HEATR9: variants seen among roughly 807,000 people sequenced by gnomAD.
The protein encoded by HEATR9 is HEAT repeat containing 9, also known as protein HEATR9.
Under a neutral mutation model 68.2 loss-of-function variants are expected in HEATR9, and 54 were observed. That is an observed-to-expected ratio of 0.79 (90% CI 0.64 to 0.99). The LOEUF is 0.99. Ranked by LOEUF, HEATR9 falls within the 50% of genes least tolerant of loss-of-function variation. The probability of loss-of-function intolerance (pLI) is 0.00; values close to 1 mark genes in which losing one functional copy is unlikely to be tolerated. For synonymous variants in HEATR9, 241 were observed against 253.5 expected (o/e 0.95, Z 0.47); for missense variants, 662 against 679.7 (o/e 0.97, Z 0.29).
intron 1 of HEATR9, 27 bp downstream of exon 1, chr17:35,868,628 C>T (rs1004255923): frequency 5.6e-6 from 9 of 1,613,914 alleles, no homozygotes; most frequent in Non-Finnish European, 7.6e-6. Flanking sequence ...CTGCTCTTGG[C>T]TCCATTTCTG....
In HEATR9 at chr17:35,856,114, C is replaced by T. The variant is rs965457121; in HGVS notation, c.1278+59G>A. On this transcript the variant is annotated intron_variant, in intron 13 of 14. Transcript: ENST00000604834. ...ATTCCCCTCAGTGACTCTGCTCAATCGCCTACTCCCCCTGCCATCAACACA... is the reference window on the plus strand; with the variant it reads ...ATTCCCCTCAGTGACTCTGCTCAATTGCCTACTCCCCCTGCCATCAACACA... 47 of 1,542,278 alleles carry T rather than the reference C, an allele frequency of 3.0e-5. No individual in the cohort carries two copies. In the Middle Eastern group the frequency reaches 6.3e-4, roughly 21 times the overall value.
chr17:35,865,173 G>T, intron 3 of HEATR9, 42 bp downstream of exon 3: 1 of 1,587,338 alleles, frequency 6.3e-7, no homozygotes, highest in Non-Finnish European at 8.6e-7. Flanking sequence ...TTTCCTAGAA[G>T]ATGTGGAGGG....
Position 35,858,933 on chromosome 17 carries a change from G to T in HEATR9, c.894C>A (p.Phe298Leu). ...GTCCTTGGCACAGGCACTGCAACAA[G>T]AACTCTTGGACCATGTTGCTGCAAG... ...LRPCSNMVQE[F>L]LLQCLCQGLK... Residue 298 changes from phenylalanine (F) to leucine (L), a missense_variant, in exon 9 of 15, where the codon TTC (phenylalanine) becomes TTA (leucine). Coordinates refer to ENST00000604834, the MANE Select transcript of HEATR9 (RefSeq NM_152781.4). 5.0e-6 allele frequency: 8 copies of T among 1,614,142 alleles called. No individual in the cohort carries two copies. Among genetic ancestry groups the T allele is most frequent in the Non-Finnish European group, 5.9e-6 (7 of 1,180,042 alleles).
chr17:35,856,744 TTCA>T lies in HEATR9; in HGVS notation c.1211_1213del (p.Met404del), dbSNP rs1156993952. 2 of 1,604,850 alleles carry T rather than the reference TTCA, an allele frequency of 1.2e-6. No individual in the cohort carries two copies. Among genetic ancestry groups the T allele is most frequent in the South Asian group, 1.1e-5 (1 of 88,972 alleles). The stretch of plus-strand genomic sequence containing the variant: ...CCAGGCCACTCACGCCTCCACCAAG[TTCA>T]TCATCGTAGGCTTCAACTTGAGCTC... On this transcript the variant is annotated inframe_deletion, in exon 12 of 15. Transcript: ENST00000604834.
chr17:35,862,205 A>G (rs1345154094), intron 8 of HEATR9, among the ~76,000 whole-genome samples: 2 of 152,006 alleles, frequency 1.3e-5, no homozygotes, highest in African/African-American at 4.8e-5. Flanking sequence ...ATTGGTTATT[A>G]TGTGTCTCCC....
Position 35,864,509 on chromosome 17 carries a change from G to C in HEATR9, c.498C>G (p.Phe166Leu). ...SLESPREDEQ[F>L]YAAQALGCLR... Reference sequence around the variant, plus strand: ...TGCCTCTTCTCACCTGTGCTGCATAGAACTGCTCATCCTCTCTGGGAGATT... The same window carrying C: ...TGCCTCTTCTCACCTGTGCTGCATACAACTGCTCATCCTCTCTGGGAGATT... Residue 166 changes from phenylalanine (F) to leucine (L), a missense_variant, in exon 5 of 15, where the codon TTC becomes TTG. Physicochemically the swap from Phe to Leu is conservative, Grantham distance 22 (BLOSUM62 0). Transcript: ENST00000604834. The C allele has an allele frequency of 6.2e-7, 1 of 1,614,052 alleles. No homozygotes were observed. Among genetic ancestry groups the C allele is most frequent in the Non-Finnish European group, 8.5e-7 (1 of 1,179,988 alleles).
chr17:35,868,340 G>C (rs2088282290), intron 1 of HEATR9, among the ~76,000 whole-genome samples: 1 of 152,196 alleles, frequency 6.6e-6, no homozygotes, highest in Non-Finnish European at 1.5e-5. Flanking sequence ...TAAGGGGGAA[G>C]AGCATTAGAC....
rs1030477938 is a variant in HEATR9, at chr17:35,865,388, C to T, written c.147G>A (p.Lys49=). 1.9e-6 allele frequency: 3 copies of T among 1,612,832 alleles called. No homozygotes were observed. Among genetic ancestry groups the T allele is most frequent in the Non-Finnish European group, 2.5e-6 (3 of 1,179,768 alleles). The change falls in exon 3 of 15, where the codon AAG becomes AAA. Residue 49 remains lysine (K), a synonymous_variant. Transcript: ENST00000604834. The stretch of plus-strand genomic sequence containing the variant: ...ACTCTGGACTTGGGGGAAACTCTTC[C>T]TTTGGCATCTGGGGGTTGCAAGTGG... ...HLPLSCYQMP[K]EEFPPSPECW... is the part of the protein sequence containing the mutation.
At chr17:35,865,026 T>A in intron 3 of HEATR9, 136 bp from the exon 4 acceptor site, 2 of 1,372,880 alleles carry the variant, frequency 1.5e-6, no homozygotes, top group Non-Finnish European at 2.0e-6. Flanking sequence ...CTCAGTGATA[T>A]CCACCAGAGC....
chr17:35,867,421 C>A (rs1331668127), intron 1 of HEATR9, among the ~76,000 whole-genome samples: 1 of 55,436 alleles, frequency 1.8e-5, no homozygotes. Flanking sequence ...GGTAACAGAG[C>A]AAGACTCAAA....
intron 2 of HEATR9, among the ~76,000 whole-genome samples, chr17:35,865,933 C>G (rs541553432): frequency 6.6e-6 from 1 of 152,288 alleles, no homozygotes; most frequent in East Asian, 1.9e-4. Context: ...AACAGTTTAG[C>G]AGGGAAACAG....
At chr17:35,860,487 A>AT (rs966259017) in intron 8 of HEATR9, among the ~76,000 whole-genome samples, 17 of 138,466 alleles carry the variant, frequency 1.2e-4, no homozygotes, top group South Asian at 4.7e-4. Context: ...TATTTTATTT[A>AT]TTTATTTATT....
At chr17:35,865,823 A>G (rs2088180547) in intron 2 of HEATR9, among the ~76,000 whole-genome samples, 1 of 152,190 alleles carries the variant, frequency 6.6e-6, no homozygotes, top group Non-Finnish European at 1.5e-5. Flanking sequence ...TGGGGAAAAG[A>G]CAGACTATTG....
intron 1 of HEATR9, 29 bp from the exon 2 acceptor site, chr17:35,866,802 G>T (rs750360945): frequency 1.2e-6 from 2 of 1,610,440 alleles, no homozygotes; most frequent in Non-Finnish European, 1.7e-6. Context: ...GTATGTGTGT[G>T]GTTCAAATGA....
rs1466350406 is a variant in HEATR9, at chr17:35,863,507, A to G, written c.620T>C (p.Ile207Thr). ...VKYEAYRTLA[I>T]LGCLNKHVIR... The stretch of plus-strand genomic sequence containing the variant: ...AAGGGAGAAGACATACTCACCCAGG[A>G]TGGCCAGGGTTCGGTAGGCCTCGTA... Residue 207 changes from isoleucine (I) to threonine (T), a missense_variant, in exon 7 of 15, where the codon ATC becomes ACC. Coordinates refer to ENST00000604834, the MANE Select transcript of HEATR9 (RefSeq NM_152781.4). The G allele has an allele frequency of 6.2e-6, 10 of 1,614,110 alleles. 1 individual carries two copies. In the South Asian group the frequency reaches 9.9e-5, roughly 16 times the overall value.
intron 9 of HEATR9, 134 bp from the exon 10 acceptor site, chr17:35,858,659 A>C: frequency 2.3e-6 from 2 of 873,532 alleles, no homozygotes; most frequent in Admixed American, 5.1e-5. Flanking sequence ...CCTCTTGACC[A>C]CAGAAGTTCA....
chr17:35,868,835 G>T lies in HEATR9; in HGVS notation c.-93C>A. ...CACAGCTGGAGGAGACCTGTCCTCT[G>T]TGGTACGAGAGGTACAGGGGAGGTG... On this transcript the variant is annotated 5_prime_UTR_variant, in exon 1 of 15. Transcript: ENST00000604834. The T allele has an allele frequency of 8.9e-7, 1 of 1,119,212 alleles. No individual in the cohort carries two copies. Among genetic ancestry groups the T allele is most frequent in the Non-Finnish European group, 1.3e-6 (1 of 750,800 alleles). 69.3% of individuals were successfully genotyped at this position (1,119,212 alleles called of 1,614,324 possible).
Position 35,854,990 on chromosome 17 carries a change from T to C in HEATR9, c.*73A>G, listed in dbSNP as rs1331909012. 1.6e-6 allele frequency: 2 copies of C among 1,216,914 alleles called. No individual in the cohort carries two copies. Among genetic ancestry groups the C allele is most frequent in the African/African-American group, 3.1e-5 (2 of 65,490 alleles). The allele number at this position is 1,216,914 out of a possible 1,614,324, so 75.4% of individuals were successfully genotyped here. On this transcript the variant is annotated 3_prime_UTR_variant, in exon 15 of 15. Transcript: ENST00000604834. Reference sequence around the variant, plus strand: ...CTTGTTTATTCACGGAAGATAAGTATAGATTGTTTTCTCATGGGAGCCTGA... The same window carrying C: ...CTTGTTTATTCACGGAAGATAAGTACAGATTGTTTTCTCATGGGAGCCTGA...
chr17:35,864,781 G>T lies in HEATR9; in HGVS notation c.430C>A (p.Pro144Thr), dbSNP rs773926237. ...RSRPLEPTQD[P>T]LKWQRLRELT... ...ACCCTTAATCTTTGCCACTTCAGGG[G>T]GTCCTGGGTAGGCTCTAAGGGCCTG... is the stretch of plus-strand genomic sequence containing the variant. Residue 144 changes from proline to threonine, a missense_variant, in exon 4 of 15, where the codon CCC becomes ACC. Physicochemically the swap from Pro to Thr is conservative, Grantham distance 38. Transcript: ENST00000604834. 1 of 1,614,146 alleles carries T rather than the reference G, an allele frequency of 6.2e-7. No homozygotes were observed. Among genetic ancestry groups the T allele is most frequent in the Admixed American group, 1.7e-5 (1 of 60,014 alleles).
Sources: gnomAD v4.1 joint callset for allele counts (sites outside exome capture counted in the v4.1 genomes callset) on GRCh38, gnomAD v4.1.1 for gene constraint, MANE v1.5 for transcripts, NCBI Gene and HGNC (gene_info 2026-07-23, HGNC 2026-07-21) for gene names.